The following COG7 variants were observed in gnomAD, a reference collection of about 807,000 sequenced individuals.
COG7 encodes conserved oligomeric Golgi complex subunit 7.
Under a neutral mutation model 91.5 loss-of-function variants are expected in COG7, and 49 were observed. The ratio of observed to expected loss-of-function variants is 0.54; its 90% CI spans 0.43 to 0.68. COG7 has a LOEUF of 0.68. COG7 is among the 30% of genes least tolerant of loss of function. The probability of loss-of-function intolerance (pLI) is 0.00; values close to 1 mark genes in which losing one functional copy is unlikely to be tolerated. For synonymous variants in COG7, 365 were observed against 388.7 expected, an observed-to-expected ratio of 0.94 and a Z score of 0.72; for missense variants, 895 against 961.3, an observed-to-expected ratio of 0.93 and a Z score of 0.91.
At chr16:23,407,753 G>A (rs1233206909) in intron 11 of COG7, among the ~76,000 whole-genome samples, 1 of 152,124 alleles carries the variant, frequency 6.6e-6, no homozygotes, top group African/African-American at 2.4e-5. Flanking sequence ...GTTGAAGGAT[G>A]GGTGACCCTG....
At chr16:23,433,901 T>C (rs1963973158) in intron 5 of COG7, among the ~76,000 whole-genome samples, 1 of 152,096 alleles carries the variant, frequency 6.6e-6, no homozygotes, top group Non-Finnish European at 1.5e-5. Flanking sequence ...CCCTCTCCAT[T>C]TATCCTGCCC....
At chr16:23,406,402 G>A (rs550727665) in intron 11 of COG7, 140 bp from the exon 12 acceptor site, 208 of 771,102 alleles carry the variant, frequency 2.7e-4, no homozygotes, top group Non-Finnish European at 3.9e-4. Flanking sequence ...ATAAGGCAAC[G>A]AAAGGCTGCC....
chr16:23,443,086 A>G (rs553309853), intron 3 of COG7, among the ~76,000 whole-genome samples: 42 of 152,258 alleles, frequency 2.8e-4, no homozygotes, highest in South Asian at 1.7e-3. Context: ...AATTAAAACA[A>G]TAAAGTGTCA....
chr16:23,442,931 A>G (rs1964124762), intron 3 of COG7, among the ~76,000 whole-genome samples: 1 of 151,862 alleles, frequency 6.6e-6, no homozygotes, highest in Non-Finnish European at 1.5e-5. Flanking sequence ...CTACCCAGGA[A>G]GCTAAGGCAG....
chr16:23,439,641 G>A (rs1162436862), intron 4 of COG7, among the ~76,000 whole-genome samples: 1 of 152,190 alleles, frequency 6.6e-6, no homozygotes, highest in Non-Finnish European at 1.5e-5. Context: ...GGCATGTAGA[G>A]TAGTCAAATT....
chr16:23,433,712 A>G (rs760798711), intron 5 of COG7, 45 bp from the exon 6 acceptor site: 3 of 1,610,648 alleles, frequency 1.9e-6, no homozygotes, highest in Non-Finnish European at 1.7e-6. Flanking sequence ...ACGTCAACAT[A>G]GGTTGCCTGT....
chr16:23,442,046 C>A (rs1964109216), intron 4 of COG7: 1 of 178,320 alleles, frequency 5.6e-6, no homozygotes, highest in Non-Finnish European at 1.2e-5. Context: ...TAGAAAGACA[C>A]TCCTGGCCGG....
rs74612304 is a variant in COG7 at position 23,409,938 on chromosome 16, G to A, written c.1475+357C>T. Among the ~76,000 whole-genome samples, 9 of 152,264 alleles carry A rather than the reference G, an allele frequency of 5.9e-5. 1 individual carries two copies. Among genetic ancestry groups the A allele is most frequent in the East Asian group, 5.8e-4 (3 of 5,180 alleles). On this transcript the variant is annotated intron_variant, in intron 11 of 16. Coordinates refer to ENST00000307149, the MANE Select transcript of COG7 (RefSeq NM_153603.4). ...GGACTTCACCACCACTTGTCACACC[G>A]TTTCTATATGGAAATTTATTTTTAG...
At chr16:23,403,614 G>T in intron 13 of COG7, 80 bp downstream of exon 13, 4 of 1,557,118 alleles carry the variant, frequency 2.6e-6, no homozygotes, top group Non-Finnish European at 3.5e-6. Context: ...CTTGGAACAG[G>T]GAGGGTTAAG....
chr16:23,397,459 G>A (rs896191040), intron 14 of COG7, among the ~76,000 whole-genome samples: 6 of 152,200 alleles, frequency 3.9e-5, no homozygotes, highest in African/African-American at 1.4e-4. Context: ...CCATGTGCAG[G>A]TGTCTGGGTG....
At chr16:23,398,298 A>C (rs1360832290) in intron 13 of COG7, among the ~76,000 whole-genome samples, 169 bp from the exon 14 acceptor site, 3 of 152,148 alleles carry the variant, frequency 2.0e-5, no homozygotes, top group Non-Finnish European at 4.4e-5. Context: ...CTCTTCTTTA[A>C]AGCTTCACCT....
chr16:23,410,424 ATTGT>A (rs1963544208), intron 10 of COG7, 64 bp from the exon 11 acceptor site: 3 of 1,335,832 alleles, frequency 2.2e-6, no homozygotes, highest in Non-Finnish European at 3.2e-6. Context: ...CAGGACAAAC[ATTGT>A]CTTATTCATA....
At chr16:23,432,625 C>G (rs1963952131) in intron 6 of COG7, among the ~76,000 whole-genome samples, 1 of 152,296 alleles carries the variant, frequency 6.6e-6, no homozygotes, top group South Asian at 2.1e-4. Flanking sequence ...TACTGTGCCT[C>G]CTGTCTCAAG....
chr16:23,417,146 T>A, intron 8 of COG7, 25 bp from the exon 9 acceptor site: 9 of 1,613,692 alleles, frequency 5.6e-6, no homozygotes, highest in Non-Finnish European at 7.6e-6. Flanking sequence ...CAGACAAAGC[T>A]GCATTAGGCT....
chr16:23,391,658 C>T (rs1188394940), intron 16 of COG7, among the ~76,000 whole-genome samples: 1 of 152,200 alleles, frequency 6.6e-6, no homozygotes, highest in Non-Finnish European at 1.5e-5. Flanking sequence ...TTCTACCACC[C>T]GCTCTCCTGA....
chr16:23,398,009 C>T, intron 14 of COG7, 37 bp downstream of exon 14: 4 of 1,567,360 alleles, frequency 2.6e-6, no homozygotes, highest in Non-Finnish European at 3.5e-6. Flanking sequence ...GTCTGAAAGA[C>T]TTGGACCACC....
chr16:23,427,145 G>T (rs1685180098), intron 6 of COG7, among the ~76,000 whole-genome samples: 1 of 152,180 alleles, frequency 6.6e-6, no homozygotes, highest in Admixed American at 6.5e-5. Context: ...CAGCTACTGG[G>T]GAGGCTGAGG....
At chr16:23,444,983 C>G in intron 3 of COG7, 65 bp downstream of exon 3, 1 of 1,226,308 alleles carries the variant, frequency 8.2e-7, no homozygotes, top group South Asian at 1.2e-5. Flanking sequence ...ATCTCTTTTG[C>G]TTTCTCCAAA....
intron 12 of COG7, among the ~76,000 whole-genome samples, 197 bp downstream of exon 12, chr16:23,405,879 C>T (rs1218387877): frequency 6.6e-6 from 1 of 152,170 alleles, no homozygotes; most frequent in African/African-American, 2.4e-5. Flanking sequence ...CTAACCTCTA[C>T]ATCTGTATCT....
Sources: gnomAD v4.1 joint callset for allele counts (sites outside exome capture counted in the v4.1 genomes callset) on GRCh38, gnomAD v4.1.1 for gene constraint, MANE v1.5 for transcripts, NCBI Gene and HGNC (gene_info 2026-07-23, HGNC 2026-07-21) for gene names.